ERGIC1: variants seen among roughly 807,000 people sequenced by gnomAD.
The protein encoded by ERGIC1 is endoplasmic reticulum-golgi intermediate compartment 1.
In ERGIC1, 19 loss-of-function variants were observed where a neutral mutation model predicts 38.3. That is an observed-to-expected ratio of 0.50 (90% CI 0.35 to 0.73). The LOEUF is 0.73. ERGIC1 is among the 30% of genes least tolerant of loss of function. ERGIC1 has a pLI of 0.01. For synonymous variants in ERGIC1, 124 were observed against 157.6 expected (o/e 0.79, Z 1.60); for missense variants, 294 against 389.2 (o/e 0.76, Z 2.06).
intron 3 of ERGIC1, among the ~76,000 whole-genome samples, chr5:172,901,384 A>G (rs7723855): frequency 2.1e-4 from 32 of 152,138 alleles, no homozygotes; most frequent in African/African-American, 7.5e-4. Context: ...TCCTCAGGCA[A>G]CCTGGCCACA....
At chr5:172,896,159 A>G (rs967885634) in intron 2 of ERGIC1, among the ~76,000 whole-genome samples, 3 of 152,072 alleles carry the variant, frequency 2.0e-5, no homozygotes, top group Non-Finnish European at 4.4e-5. Context: ...CCCGGCCAAC[A>G]TGGTGAAACC....
At chr5:172,882,064 T>C (rs1339460483) in intron 1 of ERGIC1, among the ~76,000 whole-genome samples, 1 of 152,220 alleles carries the variant, frequency 6.6e-6, no homozygotes, top group Non-Finnish European at 1.5e-5. Context: ...CTTAGTGACA[T>C]TCATGCTGAC....
Position 172,909,550 on chromosome 5 carries a change from G to A in ERGIC1, c.156-117G>A, listed in dbSNP as rs1403239444. ...CACAGGAGGTGCAGGCTCTGCCCAG[G>A]TGGAGTCTGGGTTATCTAAGTTGTG... On this transcript the variant is annotated intron_variant, in intron 3 of 9. Transcript: ENST00000393784. 9.0e-6 allele frequency: 8 copies of A among 888,932 alleles called. No individual in the cohort carries two copies. In the East Asian group the frequency reaches 2.0e-4, roughly 22 times the overall value. 55.1% of individuals were successfully genotyped at this position (888,932 alleles called of 1,614,324 possible).
chr5:172,863,204 G>A (rs1761763887), intron 1 of ERGIC1, among the ~76,000 whole-genome samples: 1 of 152,156 alleles, frequency 6.6e-6, no homozygotes, highest in African/African-American at 2.4e-5. Flanking sequence ...GCCCACCTCG[G>A]CCTCCCATAG....
chr5:172,935,477 A>C (rs1469984110), intron 9 of ERGIC1, 167 bp downstream of exon 9: 2 of 813,438 alleles, frequency 2.5e-6, no homozygotes, highest in Middle Eastern at 3.5e-4. Flanking sequence ...GATGCTGAGA[A>C]ATGTTGTCAG....
intron 1 of ERGIC1, among the ~76,000 whole-genome samples, chr5:172,855,235 G>A (rs1050370104): frequency 6.6e-6 from 1 of 152,164 alleles, no homozygotes; most frequent in African/African-American, 2.4e-5. Flanking sequence ...GGAGAGCAGT[G>A]GGGGTGGGAG....
intron 1 of ERGIC1, among the ~76,000 whole-genome samples, chr5:172,835,538 C>T (rs1761013337): frequency 1.3e-5 from 2 of 152,156 alleles, no homozygotes; most frequent in Admixed American, 6.5e-5. Flanking sequence ...GGGGGGTGTT[C>T]TCCAGGAGGG....
chr5:172,858,607 G>A (rs988065846), intron 1 of ERGIC1, among the ~76,000 whole-genome samples: 5 of 152,206 alleles, frequency 3.3e-5, no homozygotes, highest in African/African-American at 1.2e-4. Flanking sequence ...TCCTCTGCCG[G>A]CATCCAGCCC....
intron 1 of ERGIC1, among the ~76,000 whole-genome samples, chr5:172,885,839 G>T (rs995733838): frequency 6.6e-6 from 1 of 152,098 alleles, no homozygotes; most frequent in Non-Finnish European, 1.5e-5. Flanking sequence ...AATGGTCACC[G>T]CCTAGGCCCC....
intron 1 of ERGIC1, among the ~76,000 whole-genome samples, chr5:172,863,170 C>G (rs1292383855): frequency 6.6e-6 from 1 of 152,134 alleles, no homozygotes; most frequent in Non-Finnish European, 1.5e-5. Flanking sequence ...AGGCTGCTGT[C>G]GAACTCCTGA....
chr5:172,836,996 T>C (rs1488096913), intron 1 of ERGIC1, among the ~76,000 whole-genome samples: 1 of 152,036 alleles, frequency 6.6e-6, no homozygotes, highest in East Asian at 1.9e-4. Context: ...AAGCCTTAGA[T>C]CTGGGAGAAA....
At chr5:172,878,255 A>G (rs1215109588) in intron 1 of ERGIC1, among the ~76,000 whole-genome samples, 1 of 152,192 alleles carries the variant, frequency 6.6e-6, no homozygotes, top group African/African-American at 2.4e-5. Context: ...TGACATCAGC[A>G]TTATGTGCTA....
chr5:172,911,810 A>G (rs190993970), intron 4 of ERGIC1, among the ~76,000 whole-genome samples: 102 of 152,258 alleles, frequency 6.7e-4, no homozygotes, highest in Non-Finnish European at 2.2e-4. Flanking sequence ...CTATATTTCA[A>G]TCTTAAGACA....
At chr5:172,888,062 G>A (rs1361537379) in intron 1 of ERGIC1, among the ~76,000 whole-genome samples, 1 of 152,176 alleles carries the variant, frequency 6.6e-6, no homozygotes, top group African/African-American at 2.4e-5. Flanking sequence ...ATTATCCAGT[G>A]CCTACTCTGC....
At chr5:172,897,103 C>T (rs1208820382) in intron 3 of ERGIC1, 29 bp downstream of exon 3, 1 of 1,606,024 alleles carries the variant, frequency 6.2e-7, no homozygotes, top group Non-Finnish European at 8.5e-7. Flanking sequence ...ATGGGGCATT[C>T]CAGGATGTTC....
intron 9 of ERGIC1, among the ~76,000 whole-genome samples, chr5:172,942,148 C>T (rs1294143585): frequency 3.9e-5 from 6 of 152,092 alleles, no homozygotes; most frequent in African/African-American, 7.2e-5. Context: ...GAGCCGAGAT[C>T]GTGCCATTGC....
chr5:172,856,503 G>A (rs755616933), intron 1 of ERGIC1, among the ~76,000 whole-genome samples: 2 of 152,146 alleles, frequency 1.3e-5, no homozygotes, highest in Non-Finnish European at 2.9e-5. Context: ...AGGGCTCTGC[G>A]GCCTGATGAG....
At chr5:172,910,372 G>A (rs2113383681) in intron 4 of ERGIC1, among the ~76,000 whole-genome samples, 1 of 152,326 alleles carries the variant, frequency 6.6e-6, no homozygotes, top group South Asian at 2.1e-4. Context: ...TGAGTCATTG[G>A]CAGCTGACAC....
At chr5:172,873,956 C>A (rs1762080744) in intron 1 of ERGIC1, among the ~76,000 whole-genome samples, 1 of 152,234 alleles carries the variant, frequency 6.6e-6, no homozygotes, top group Non-Finnish European at 1.5e-5. Context: ...ACATGCCTTA[C>A]ACCTTAGGAA....
Sources: allele counts gnomAD v4.1 joint callset (sites outside exome capture counted in the v4.1 genomes callset), GRCh38; gene constraint gnomAD v4.1.1; transcripts MANE v1.5; gene names NCBI Gene and HGNC (gene_info 2026-07-23, HGNC 2026-07-21).